The following MSX2 variants were observed in gnomAD, a reference collection of about 807,000 sequenced individuals.
MSX2 encodes homeobox protein MSX-2.
Under a neutral mutation model 18.4 loss-of-function variants are expected in MSX2, and 10 were observed. The ratio of observed to expected loss-of-function variants is 0.54; its 90% CI spans 0.34 to 0.92. MSX2 has a LOEUF of 0.92. Ranked by LOEUF, MSX2 falls within the 40% of genes least tolerant of loss-of-function variation. MSX2 has a pLI of 0.02. For missense variants in MSX2, 339 were observed against 364.0 expected (o/e 0.93, Z 0.56); for synonymous variants, 170 against 165.6 (o/e 1.03, Z -0.20).
At chr5:174,726,952 C>T (rs887473518) in intron 1 of MSX2, among the ~76,000 whole-genome samples, 1 of 152,112 alleles carries the variant, frequency 6.6e-6, no homozygotes, top group Non-Finnish European at 1.5e-5. Flanking sequence ...GGTAAGGCAA[C>T]CTCGGGCCCA....
chr5:174,729,333 A>G lies in MSX2; in HGVS notation c.554A>G (p.Gln185Arg). 1 of 1,614,198 alleles carries G rather than the reference A, an allele frequency of 6.2e-7. No individual in the cohort carries two copies. The highest frequency in any genetic ancestry group is 8.5e-7 in the Non-Finnish European group (1 of 1,180,044). Reference sequence around the variant, plus strand: ...AGCTCTCTGAACCTCACAGAGACCCAGGTCAAAATCTGGTTCCAGAACCGA... The same window carrying G: ...AGCTCTCTGAACCTCACAGAGACCCGGGTCAAAATCTGGTTCCAGAACCGA... ...FSSSLNLTET[Q>R]VKIWFQNRRA... The change falls in exon 2 of 2, where the codon CAG (glutamine) becomes CGG (arginine). Residue 185 changes from glutamine (Q) to arginine (R), a missense_variant. Physicochemically the swap from Gln to Arg is conservative, Grantham distance 43. This residue lies in a region of MSX2 where 128 missense variants were observed against 178.6 expected (regional missense o/e 0.72). Transcript: ENST00000239243.
At position 174,724,896 on chromosome 5, in the gene MSX2, G is replaced by A; in HGVS notation, c.237G>A (p.Leu79=). Residue 79 remains leucine, a synonymous_variant, in exon 1 of 2, where the codon CTG becomes CTA. Transcript: ENST00000239243. Reference sequence around the variant, plus strand: ...CGGCCGGGGCCACCCTGCGGCCACTGCTGCTGTCGGGGCACGGCGCTCGGG... The same window carrying A: ...CGGCCGGGGCCACCCTGCGGCCACTACTGCTGTCGGGGCACGGCGCTCGGG... The part of the protein sequence containing the change: ...SASAGATLRP[L]LLSGHGAREA... 1.3e-6 allele frequency: 2 copies of A among 1,568,326 alleles called. No individual in the cohort carries two copies. Among genetic ancestry groups the A allele is most frequent in the East Asian group, 2.3e-5 (1 of 43,318 alleles).
chr5:174,729,707 G>A lies in MSX2; in HGVS notation c.*124G>A, dbSNP rs775306704. On this transcript the variant is annotated 3_prime_UTR_variant, in exon 2 of 2. Transcript: ENST00000239243. ...AACCCTGCGTGCACCACCCTAAGCG[G>A]CTAGGCTGACAGGGCCACACGACAT... The A allele has an allele frequency of 7.4e-5, 78 of 1,048,896 alleles. No homozygotes were observed. The highest frequency in any genetic ancestry group is 1.1e-4 in the Non-Finnish European group (75 of 690,782). The allele number at this position is 1,048,896 out of a possible 1,614,324, so 65.0% of individuals were successfully genotyped here.
In MSX2 at chr5:174,729,503, T is replaced by C; in HGVS notation, c.724T>C (p.Phe242Leu). Reference sequence around the variant, plus strand: ...GTCCATATATGGAGCATCCTACCCGTTCCATAGACCTGTGCTTCCCATCCC... The same window carrying C: ...GTCCATATATGGAGCATCCTACCCGCTCCATAGACCTGTGCTTCCCATCCC... ...AASIYGASYP[F>L]HRPVLPIPPV... The change falls in exon 2 of 2, where the codon TTC becomes CTC. Residue 242 changes from phenylalanine (F) to leucine (L), a missense_variant. Phe to Leu is a conservative substitution (Grantham distance 22). Transcript: ENST00000239243. 3 of 1,613,972 alleles carry C rather than the reference T, an allele frequency of 1.9e-6. No individual in the cohort carries two copies. The highest frequency in any genetic ancestry group is 2.5e-6 in the Non-Finnish European group (3 of 1,179,854).
chr5:174,729,784 A>G lies in MSX2; in HGVS notation c.*201A>G. 1.9e-6 allele frequency: 1 copy of G among 524,354 alleles called. No homozygotes were observed. The highest frequency in any genetic ancestry group is 3.4e-6 in the Non-Finnish European group (1 of 295,128). The allele number at this position is 524,354 out of a possible 1,614,324, so 32.5% of individuals were successfully genotyped here. On this transcript the variant is annotated 3_prime_UTR_variant, in exon 2 of 2. Transcript: ENST00000239243. ...GCACCAAGCCCTGTTTTCTTGGTGT[A>G]ATCTTCCAGATGCCCCCTTTTCCTT...
intron 1 of MSX2, 97 bp downstream of exon 1, chr5:174,725,135 C>T: frequency 2.0e-6 from 3 of 1,511,670 alleles, no homozygotes; most frequent in Non-Finnish European, 1.8e-6. Context: ...GACCCTTCTG[C>T]GTGCGCTACA....
In MSX2 at chr5:174,724,909, C is replaced by A; in HGVS notation, c.250C>A (p.His84Asn). 1 of 1,573,880 alleles carries A rather than the reference C, an allele frequency of 6.4e-7. No individual in the cohort carries two copies. The highest frequency in any genetic ancestry group is 8.6e-7 in the Non-Finnish European group (1 of 1,161,370). Residue 84 changes from histidine to asparagine, a missense_variant, in exon 1 of 2, where the codon CAC (histidine) becomes AAC (asparagine). His to Asn is a moderately conservative substitution (Grantham distance 68). Transcript: ENST00000239243. ...ATLRPLLLSG[H>N]GAREAHSPGP... is the part of the protein sequence containing the mutation. ...CCTGCGGCCACTGCTGCTGTCGGGG[C>A]ACGGCGCTCGGGAAGCGCACAGCCC...
In MSX2 at chr5:174,725,032, C is replaced by G; in HGVS notation, c.373C>G (p.Pro125Ala). The change falls in exon 1 of 2, where the codon CCG becomes GCG. Residue 125 changes from proline (P) to alanine (A), a missense_variant. Physicochemically the swap from Pro to Ala is conservative, Grantham distance 27. Transcript: ENST00000239243. ...GCAGGAACCCGGCCGATATTCGCCG[C>G]CGCCAAGTGAGTGCGCGCCGGGGCA... ...WMQEPGRYSPPPRHMSPTTCT... is the reference protein window; with the variant it reads ...WMQEPGRYSPAPRHMSPTTCT... The G allele has an allele frequency of 6.2e-7, 1 of 1,610,600 alleles. No homozygotes were observed. The highest frequency in any genetic ancestry group is 8.5e-7 in the Non-Finnish European group (1 of 1,179,408).
At chr5:174,725,101 G>A in intron 1 of MSX2, 63 bp downstream of exon 1, 1 of 1,582,952 alleles carries the variant, frequency 6.3e-7, no homozygotes, top group East Asian at 2.3e-5. Context: ...CGGGGGGCGG[G>A]TGTTCCAGGG....
At chr5:174,726,300 G>T (rs368719309) in intron 1 of MSX2, among the ~76,000 whole-genome samples, 2 of 152,044 alleles carry the variant, frequency 1.3e-5, no homozygotes, top group Non-Finnish European at 2.9e-5. Context: ...ACATCATTCA[G>T]CCCTCAAGAC....
At chr5:174,725,432 TC>T (rs1476405405) in intron 1 of MSX2, among the ~76,000 whole-genome samples, 1 of 152,122 alleles carries the variant, frequency 6.6e-6, no homozygotes, top group Non-Finnish European at 1.5e-5. Context: ...AGGAGTTGGA[TC>T]CATGTTCAGT....
intron 1 of MSX2, among the ~76,000 whole-genome samples, chr5:174,727,434 A>G (rs1337948228): frequency 1.3e-5 from 2 of 152,146 alleles, no homozygotes; most frequent in African/African-American, 4.8e-5. Context: ...GCCCAGGCGC[A>G]CAGTGCTTCA....
intron 1 of MSX2, among the ~76,000 whole-genome samples, chr5:174,725,826 C>T (rs1760783682): frequency 6.6e-6 from 1 of 152,208 alleles, no homozygotes; most frequent in Non-Finnish European, 1.5e-5. Context: ...AGATCGAGAT[C>T]CTCACTAGAA....
rs761351358 is a variant in MSX2 at position 174,724,671 on chromosome 5, G to A, written c.12G>A (p.Pro4=). 2.4e-4 allele frequency: 378 copies of A among 1,592,074 alleles called. 2 individuals carry two copies. Among genetic ancestry groups the A allele is most frequent in the Non-Finnish European group, 8.5e-6 (10 of 1,170,606 alleles). The change falls in exon 1 of 2, where the codon CCG becomes CCA. Residue 4 remains proline, a synonymous_variant. Coordinates refer to ENST00000239243, the MANE Select transcript of MSX2 (RefSeq NM_002449.5). MAS[P]SKGNDLFSPD... Reference sequence around the variant, plus strand: ...AGGGCAGAGAAGTCATGGCTTCTCCGTCCAAAGGCAATGACTTGTTTTCGC... The same window carrying A: ...AGGGCAGAGAAGTCATGGCTTCTCCATCCAAAGGCAATGACTTGTTTTCGC...
Position 174,725,161 on chromosome 5 carries a change from G to A in MSX2, c.379+123G>A, listed in dbSNP as rs2113492696. The A allele has an allele frequency of 3.5e-6, 5 of 1,437,814 alleles. No individual in the cohort carries two copies. In the East Asian group the frequency reaches 1.2e-4, roughly 35 times the overall value. The allele number at this position is 1,437,814 out of a possible 1,614,324, so 89.1% of individuals were successfully genotyped here. A position where few individuals can be genotyped will look rare whatever the true frequency, so the allele number is the denominator to read the frequency against. ...GTGCGCTACACTCCCGGGAAAGCAA[G>A]CCCAGGGCCTCTGGACTCCTGGGTG... On this transcript the variant is annotated intron_variant, in intron 1 of 1. Coordinates refer to ENST00000239243, the MANE Select transcript of MSX2 (RefSeq NM_002449.5).
chr5:174,726,997 C>T (rs1760815504), intron 1 of MSX2, among the ~76,000 whole-genome samples: 2 of 152,052 alleles, frequency 1.3e-5, no homozygotes. Context: ...ACCAGAAATT[C>T]TGAGAACCGA....
Position 174,724,702 on chromosome 5 carries a change from G to A in MSX2, c.43G>A (p.Glu15Lys). 6.3e-7 allele frequency: 1 copy of A among 1,595,852 alleles called. No homozygotes were observed. Among genetic ancestry groups the A allele is most frequent in the Admixed American group, 1.7e-5 (1 of 57,646 alleles). The change falls in exon 1 of 2, where the codon GAG becomes AAG. Residue 15 changes from glutamate to lysine, a missense_variant. By Grantham distance (56) the Glu-to-Lys change is moderately conservative. Around this residue, in one of 2 missense-constraint regions of MSX2, gnomAD observed 211 missense variants for 185.4 expected, o/e 1.14. Transcript: ENST00000239243. ...AGGCAATGACTTGTTTTCGCCCGAC[G>A]AGGAGGGCCCAGCAGTGGTGGCCGG... ...SKGNDLFSPD[E>K]EGPAVVAGPG...
In MSX2 at chr5:174,729,370, G is replaced by A. The variant is rs150352201; in HGVS notation, c.591G>A (p.Ala197=). 34 of 1,614,034 alleles carry A rather than the reference G, an allele frequency of 2.1e-5. No homozygotes were observed. The highest frequency in any genetic ancestry group is 6.7e-5 in the East Asian group (3 of 44,888). Residue 197 remains alanine, a synonymous_variant, in exon 2 of 2, where the codon GCG becomes GCA. Transcript: ENST00000239243. ...GGTTCCAGAACCGAAGGGCCAAGGC[G>A]AAAAGACTGCAGGAGGCAGAACTGG... is the stretch of plus-strand genomic sequence containing the variant. ...KIWFQNRRAK[A]KRLQEAELEK...
In MSX2 at chr5:174,724,937, G is replaced by A. The variant is rs1760748328; in HGVS notation, c.278G>A (p.Gly93Glu). 3 of 1,586,812 alleles carry A rather than the reference G, an allele frequency of 1.9e-6. No homozygotes were observed. The Admixed American group carries it at 5.6e-5, about 30-fold the overall frequency. ...GGCGCTCGGGAAGCGCACAGCCCCG[G>A]GCCGCTGGTGAAGCCCTTCGAGACC... Reference protein sequence around the residue: ...GHGAREAHSPGPLVKPFETAS... With the variant: ...GHGAREAHSPEPLVKPFETAS... Residue 93 changes from glycine to glutamate, a missense_variant, in exon 1 of 2, where the codon GGG (glycine) becomes GAG (glutamate). Coordinates refer to ENST00000239243, the MANE Select transcript of MSX2 (RefSeq NM_002449.5).
Sources: allele counts gnomAD v4.1 joint callset (sites outside exome capture counted in the v4.1 genomes callset), GRCh38; gene constraint gnomAD v4.1.1; regional missense constraint gnomAD v4.1.1; transcripts MANE v1.5; gene names NCBI Gene and HGNC (gene_info 2026-07-23, HGNC 2026-07-21).